Variants in ARMC9 observed in about 807,000 individuals in gnomAD.
ARMC9 encodes the protein armadillo repeat containing 9.
Under a neutral mutation model 107.0 loss-of-function variants are expected in ARMC9, and 94 were observed. The observed-to-expected ratio is 0.88, with a 90% CI of 0.74 to 1.04. The LOEUF is 1.04. ARMC9 is among the 50% of genes least tolerant of loss of function. The pLI, the probability that ARMC9 is intolerant of heterozygous loss-of-function variation, is 0.00. For missense variants in ARMC9, 942 were observed against 1,030.1 expected (o/e 0.91, Z 1.17); for synonymous variants, 380 against 396.9 (o/e 0.96, Z 0.51).
Position 231,355,799 on chromosome 2 carries a change from G to A in ARMC9, c.1996G>A (p.Val666Met). 1 of 1,531,790 alleles carries A rather than the reference G, an allele frequency of 6.5e-7. No individual in the cohort carries two copies. The highest frequency in any genetic ancestry group is 8.7e-7 in the Non-Finnish European group (1 of 1,143,624). The allele number at this position is 1,531,790 out of a possible 1,614,324, so 94.9% of individuals were successfully genotyped here. ...PGGHRNGYPV[V>M]EDQHTPPQTA... is the part of the protein sequence containing the mutation. ...GCCGTTTTTCATGTTTTTCTCCAGG[G>A]TGGAAGACCAACACACACCTCCCCA... Residue 666 changes from valine (V) to methionine (M), a missense_variant and splice_region_variant, in exon 22 of 25, where the codon GTG (valine) becomes ATG (methionine). Physicochemically the swap from Val to Met is conservative, Grantham distance 21. Transcript: ENST00000611582.
chr2:231,240,862 C>T (rs764913841), intron 9 of ARMC9, among the ~76,000 whole-genome samples: 1 of 152,122 alleles, frequency 6.6e-6, no homozygotes, highest in Non-Finnish European at 1.5e-5. Flanking sequence ...AGTTACATGA[C>T]ATTAACATGT....
intron 19 of ARMC9, among the ~76,000 whole-genome samples, chr2:231,296,625 C>T (rs1051925215): frequency 6.6e-6 from 1 of 152,196 alleles, no homozygotes; most frequent in African/African-American, 2.4e-5. Context: ...GTGTAGGCGC[C>T]TGGCGAGAGT....
chr2:231,237,718 C>T (rs528950979), intron 8 of ARMC9, among the ~76,000 whole-genome samples: 97 of 117,916 alleles, frequency 8.2e-4, no homozygotes, highest in African/African-American at 2.9e-3. Flanking sequence ...ATGTATGAGG[C>T]TGAGTATATT....
chr2:231,307,771 C>T (rs1445077654), intron 19 of ARMC9, among the ~76,000 whole-genome samples: 1 of 152,224 alleles, frequency 6.6e-6, no homozygotes, highest in Non-Finnish European at 1.5e-5. Context: ...GGCATCTGGC[C>T]ATAACGTTGA....
chr2:231,348,872 C>G (rs1208363231), intron 21 of ARMC9, among the ~76,000 whole-genome samples: 1 of 152,210 alleles, frequency 6.6e-6, no homozygotes, highest in Non-Finnish European at 1.5e-5. Flanking sequence ...CAAATCAACA[C>G]TACACTGAGA....
intron 11 of ARMC9, among the ~76,000 whole-genome samples, chr2:231,260,531 C>T (rs1402370163): frequency 6.6e-6 from 1 of 152,194 alleles, no homozygotes; most frequent in Non-Finnish European, 1.5e-5. Flanking sequence ...CACTTGCATG[C>T]TTCTATGGTA....
intron 8 of ARMC9, among the ~76,000 whole-genome samples, chr2:231,236,091 AC>A (rs1342585920): frequency 1.3e-5 from 2 of 152,166 alleles, no homozygotes; most frequent in African/African-American, 4.8e-5. Context: ...CCCAGCCTCT[AC>A]CTTATTAATA....
intron 7 of ARMC9, among the ~76,000 whole-genome samples, chr2:231,233,681 CAG>C (rs1410629116): frequency 6.6e-6 from 1 of 151,912 alleles, no homozygotes; most frequent in East Asian, 1.9e-4. Context: ...GAAGCTGAGT[CAG>C]GGGAATCGCT....
intron 19 of ARMC9, among the ~76,000 whole-genome samples, chr2:231,299,396 AG>A (rs528560547): frequency 1.3e-5 from 2 of 152,278 alleles, no homozygotes; most frequent in East Asian, 3.9e-4. Flanking sequence ...ATAAACTGCA[AG>A]GGGGGAATAG....
chr2:231,261,526 C>T (rs942158225), intron 11 of ARMC9, among the ~76,000 whole-genome samples: 1 of 152,208 alleles, frequency 6.6e-6, no homozygotes, highest in East Asian at 1.9e-4. Flanking sequence ...GAGTGCTCTA[C>T]AGTCAGCCCT....
intron 21 of ARMC9, among the ~76,000 whole-genome samples, chr2:231,346,497 G>C (rs1378704501): frequency 6.6e-6 from 1 of 152,100 alleles, no homozygotes; most frequent in African/African-American, 2.4e-5. Flanking sequence ...ACTCAGCCTG[G>C]GCGATAGAGT....
chr2:231,204,176 GAA>G (rs5839392), intron 1 of ARMC9, among the ~76,000 whole-genome samples: 40,879 of 97,834 alleles, frequency 0.42, 8,042 homozygotes, highest in African/African-American at 0.59. Flanking sequence ...TCTGTCTCAG[GAA>G]AAAAAAAAAA....
intron 7 of ARMC9, among the ~76,000 whole-genome samples, chr2:231,228,984 A>T (rs2034946033): frequency 6.6e-6 from 1 of 152,084 alleles, no homozygotes; most frequent in South Asian, 2.1e-4. Flanking sequence ...TGGGAAGGGG[A>T]ATGCAAATAA....
intron 15 of ARMC9, 83 bp from the exon 16 acceptor site, chr2:231,278,299 G>A: frequency 7.2e-7 from 1 of 1,390,444 alleles, no homozygotes; most frequent in Non-Finnish European, 1.0e-6. Flanking sequence ...GAGGAGCCAA[G>A]ATTTGTCTCC....
chr2:231,332,406 G>A (rs1432984871), intron 20 of ARMC9, among the ~76,000 whole-genome samples: 1 of 152,152 alleles, frequency 6.6e-6, no homozygotes, highest in African/African-American at 2.4e-5. Flanking sequence ...GCCAGAAAGT[G>A]AGTAGTCACT....
At chr2:231,331,110 G>A (rs1007563209) in intron 19 of ARMC9, among the ~76,000 whole-genome samples, 1 of 152,094 alleles carries the variant, frequency 6.6e-6, no homozygotes, top group Admixed American at 6.5e-5. Context: ...CCACTGCACT[G>A]CAGCCTGGGT....
intron 19 of ARMC9, among the ~76,000 whole-genome samples, chr2:231,327,588 A>G (rs545667247): frequency 6.6e-6 from 1 of 152,248 alleles, no homozygotes; most frequent in South Asian, 2.1e-4. Flanking sequence ...GTTGAAGGGC[A>G]TCTACTGTTT....
chr2:231,356,286 A>G (rs763360542), intron 22 of ARMC9, among the ~76,000 whole-genome samples: 4 of 152,172 alleles, frequency 2.6e-5, no homozygotes, highest in Non-Finnish European at 4.4e-5. Context: ...GGTGCAGAGA[A>G]GGCCAGCCGC....
At chr2:231,265,401 G>A (rs1282216572) in intron 12 of ARMC9, among the ~76,000 whole-genome samples, 1 of 152,166 alleles carries the variant, frequency 6.6e-6, no homozygotes, top group Non-Finnish European at 1.5e-5. Flanking sequence ...TACAACATGA[G>A]ATACCACTCA....
Sources: allele counts gnomAD v4.1 joint callset (sites outside exome capture counted in the v4.1 genomes callset), GRCh38; gene constraint gnomAD v4.1.1; transcripts MANE v1.5; gene names NCBI Gene and HGNC (gene_info 2026-07-23, HGNC 2026-07-21).